Variants in GTF2H2C observed in about 807,000 individuals in gnomAD.
The protein encoded by GTF2H2C is GTF2H2 family member C, also known as general transcription factor IIH subunit 2-like protein.
GTF2H2C carries 5 observed loss-of-function variants against 24.8 expected under a neutral mutation model. The observed-to-expected ratio is 0.20, with a 90% CI of 0.11 to 0.42. The LOEUF is 0.42. Among genes scored for constraint, GTF2H2C ranks in the 20% least tolerant of loss-of-function variants. The pLI is 1.00. For synonymous variants in GTF2H2C, 14 were observed against 52.6 expected (o/e 0.27, Z 3.18); for missense variants, 45 against 169.8 (o/e 0.27, Z 4.08).
intron 9 of GTF2H2C, among the ~76,000 whole-genome samples, chr5:69,573,207 A>T (rs958788047): frequency 4.2e-5 from 6 of 142,492 alleles, no homozygotes; most frequent in Non-Finnish European, 9.2e-5. Context: ...TTTTTTCGAG[A>T]CAGAGTCTTG....
At chr5:69,563,532 T>G (rs1454921356) in intron 2 of GTF2H2C, among the ~76,000 whole-genome samples, 1 of 151,450 alleles carries the variant, frequency 6.6e-6, no homozygotes, top group Non-Finnish European at 1.5e-5. Flanking sequence ...TGTTTGTTTG[T>G]TTTGTTTTGT....
chr5:69,561,056 C>T (rs544358041), intron 1 of GTF2H2C, among the ~76,000 whole-genome samples: 1 of 152,078 alleles, frequency 6.6e-6, no homozygotes, highest in South Asian at 2.1e-4. Flanking sequence ...CACCTGGCCT[C>T]GGTGATATTT....
intron 16 of GTF2H2C, among the ~76,000 whole-genome samples, chr5:69,591,458 C>CTTT (rs779304542): frequency 1.5e-5 from 2 of 136,836 alleles, no homozygotes; most frequent in South Asian, 2.3e-4. Flanking sequence ...TTTATTCATT[C>CTTT]TTTTTTTTTT....
rs1174187959 is a variant in GTF2H2C, at chr5:69,593,938, GAAAAAA to G, written c.*1761_*1766del. On this transcript the variant is annotated 3_prime_UTR_variant, in exon 17 of 17. Coordinates refer to ENST00000380729, the MANE Select transcript of GTF2H2C (RefSeq NM_001376000.2). Reference sequence around the variant, plus strand: ...GCGACAGAGCTAGACTCTGTCTCAAGAAAAAAAAAAAAAAAAAAAAAAAAAAGAGTA... The same window carrying G: ...GCGACAGAGCTAGACTCTGTCTCAAGAAAAAAAAAAAAAAAAAAAAGAGTA... Among the ~76,000 whole-genome samples, 4 of 41,762 alleles carry G rather than the reference GAAAAAA, an allele frequency of 9.6e-5. No homozygotes were observed. Among genetic ancestry groups the G allele is most frequent in the Non-Finnish European group, 1.2e-4 (3 of 25,934 alleles). 27.4% of individuals were successfully genotyped at this position (41,762 alleles called of 152,430 possible).
rs1174187959 is a variant in GTF2H2C, at chr5:69,593,938, G to GAAAAAAAAAAAAAAAAAAAAAAA, written c.*1744_*1766dup. Among the ~76,000 whole-genome samples the GAAAAAAAAAAAAAAAAAAAAAAA allele has an allele frequency of 2.4e-5, 1 of 41,768 alleles. No homozygotes were observed. The highest frequency in any genetic ancestry group is 1.1e-4 in the African/African-American group (1 of 9,470). 27.4% of individuals were successfully genotyped at this position (41,768 alleles called of 152,430 possible). A position where few individuals can be genotyped will look rare whatever the true frequency, so the allele number is the denominator to read the frequency against. ...GCGACAGAGCTAGACTCTGTCTCAA[G>GAAAAAAAAAAAAAAAAAAAAAAA]AAAAAAAAAAAAAAAAAAAAAAAAA... On this transcript the variant is annotated 3_prime_UTR_variant, in exon 17 of 17. Transcript: ENST00000380729.
chr5:69,565,405 T>C (rs1466128178), intron 3 of GTF2H2C: 1 of 131,856 alleles, frequency 7.6e-6, no homozygotes, highest in Non-Finnish European at 1.4e-5. Context: ...CACATTCATT[T>C]ACAATTAATT....
Position 69,594,195 on chromosome 5 carries a change from T to C in GTF2H2C, c.*1997T>C. The C allele has an allele frequency of 2.5e-5, 2 of 78,812 alleles. No homozygotes were observed. Among genetic ancestry groups the C allele is most frequent in the Middle Eastern group, 4.6e-3 (1 of 218 alleles). 4.9% of individuals were successfully genotyped at this position (78,812 alleles called of 1,614,324 possible). On this transcript the variant is annotated 3_prime_UTR_variant, in exon 17 of 17. Coordinates refer to ENST00000380729, the MANE Select transcript of GTF2H2C (RefSeq NM_001376000.2). ...TCTCAGCCTCCTGAGTAGCTGGGAC[T>C]ACAGGCGCCTGCCACCACGCCTGGC...
At chr5:69,573,141 T>TACACACACAC (rs1465676624) in intron 9 of GTF2H2C, among the ~76,000 whole-genome samples, 1 of 62,306 alleles carries the variant, frequency 1.6e-5, no homozygotes, top group African/African-American at 8.6e-5. Flanking sequence ...ATATCTATTA[T>TACACACACAC]ATATACACAC....
chr5:69,591,522 T>G (rs1771992282), intron 16 of GTF2H2C, among the ~76,000 whole-genome samples: 1 of 152,122 alleles, frequency 6.6e-6, no homozygotes, highest in Admixed American at 6.6e-5. Context: ...AATCTGTGTA[T>G]GAAGCTGCCC....
chr5:69,560,756 T>TA (rs947468306), intron 1 of GTF2H2C, among the ~76,000 whole-genome samples: 2 of 151,928 alleles, frequency 1.3e-5, no homozygotes, highest in Non-Finnish European at 2.9e-5. Flanking sequence ...ACAGATCACT[T>TA]AAAAAAATTT....
chr5:69,565,045 G>C (rs1258818294), intron 2 of GTF2H2C, 55 bp from the exon 3 acceptor site: 2 of 688,778 alleles, frequency 2.9e-6, no homozygotes, highest in Non-Finnish European at 4.9e-6. Flanking sequence ...AATTTAATTG[G>C]ATGAATTTTG....
intron 12 of GTF2H2C, 32 bp downstream of exon 12, chr5:69,579,896 A>G (rs1403993230): frequency 6.5e-7 from 1 of 1,531,936 alleles, no homozygotes; most frequent in East Asian, 2.3e-5. Context: ...AAAAATACAT[A>G]TCTAGGCTCT....
intron 12 of GTF2H2C, among the ~76,000 whole-genome samples, chr5:69,580,735 C>CA (rs1198791428): frequency 9.2e-6 from 1 of 108,120 alleles, no homozygotes; most frequent in Non-Finnish European, 1.9e-5. Flanking sequence ...GACTCTGTCT[C>CA]AAAAAAATAA....
Position 69,566,618 on chromosome 5 carries a change from T to C in GTF2H2C, c.164T>C (p.Leu55Pro), listed in dbSNP as rs779711397. Residue 55 changes from leucine to proline, a missense_variant, in exon 5 of 17, where the codon CTT (leucine) becomes CCT (proline). Transcript: ENST00000380729. ...TTTGAGCACCATGGACAAGTTCGAC[T>C]TGGAATGGTATGTCATTATTTTTTC... ...RVFEHHGQVRLGMMRHLYVVV... is the reference protein window; with the variant it reads ...RVFEHHGQVRPGMMRHLYVVV... The C allele has an allele frequency of 1.4e-6, 2 of 1,426,096 alleles. No individual in the cohort carries two copies. The highest frequency in any genetic ancestry group is 2.3e-5 in the Admixed American group (1 of 43,304). The allele number at this position is 1,426,096 out of a possible 1,614,324, so 88.3% of individuals were successfully genotyped here. A position where few individuals can be genotyped will look rare whatever the true frequency, so the allele number is the denominator to read the frequency against.
intron 9 of GTF2H2C, among the ~76,000 whole-genome samples, chr5:69,573,119 G>A (rs1771154550): frequency 7.4e-6 from 1 of 135,566 alleles, no homozygotes; most frequent in African/African-American, 2.8e-5. Flanking sequence ...ACATATATAA[G>A]TTAAAGCTTA....
At chr5:69,568,485 T>TC (rs1220150735) in intron 8 of GTF2H2C, 3 of 322,684 alleles carry the variant, frequency 9.3e-6, no homozygotes, top group African/African-American at 7.1e-5. Context: ...AATTTTTTTT[T>TC]CTTTCCTTTT....
chr5:69,580,425 T>TA (rs1771502736), intron 12 of GTF2H2C, among the ~76,000 whole-genome samples: 2 of 138,752 alleles, frequency 1.4e-5, no homozygotes, highest in African/African-American at 5.5e-5. Context: ...ACACTTATAT[T>TA]AAAAATTTTT....
intron 8 of GTF2H2C, 118 bp downstream of exon 8, chr5:69,568,325 T>C (rs367988135): frequency 2.4e-6 from 1 of 423,646 alleles, no homozygotes; most frequent in Non-Finnish European, 4.4e-6. Context: ...CTGTCTTCTC[T>C]AGGTGAAACA....
At chr5:69,573,382 T>C (rs2561155) in intron 9 of GTF2H2C, among the ~76,000 whole-genome samples, 2 of 87,566 alleles carry the variant, frequency 2.3e-5, no homozygotes, top group East Asian at 6.9e-4. Context: ...TGGGGTTTCA[T>C]CATGTTAGCC....
Sources: gnomAD v4.1 joint callset for allele counts (sites outside exome capture counted in the v4.1 genomes callset) on GRCh38, gnomAD v4.1.1 for gene constraint, MANE v1.5 for transcripts, NCBI Gene and HGNC (gene_info 2026-07-23, HGNC 2026-07-21) for gene names.